The following COL5A2 variants were observed in gnomAD, a reference collection of about 807,000 sequenced individuals.
The protein encoded by COL5A2 is collagen alpha-2(V) chain.
A neutral mutation model predicts 208.2 loss-of-function variants in COL5A2; 23 were observed. That is an observed-to-expected ratio of 0.11 (90% confidence interval 0.08 to 0.16). The LOEUF (loss-of-function observed/expected upper bound fraction) is 0.16. Among genes scored for constraint, COL5A2 ranks in the 10% least tolerant of loss-of-function variants. COL5A2 has a pLI of 1.00. For missense variants in COL5A2, 1,590 were observed against 1,956.4 expected, an observed-to-expected ratio of 0.81 and a Z score of 3.53; for synonymous variants, 625 against 628.5, an observed-to-expected ratio of 0.99 and a Z score of 0.08.
intron 1 of COL5A2, among the ~76,000 whole-genome samples, chr2:189,223,282 A>C (rs1689370416): frequency 6.6e-6 from 1 of 152,154 alleles, no homozygotes; most frequent in South Asian, 2.1e-4. Flanking sequence ...TATAAGAGTT[A>C]ATGCAACAAA....
chr2:189,177,278 T>A (rs1376443560), intron 1 of COL5A2, among the ~76,000 whole-genome samples: 1 of 152,188 alleles, frequency 6.6e-6, no homozygotes, highest in African/African-American at 2.4e-5. Flanking sequence ...ATTTAAAGCA[T>A]CGATCTAAGC....
chr2:189,276,903 T>C, the COL5A2 span, among the ~76,000 whole-genome samples: 5 of 152,084 alleles, frequency 3.3e-5, no homozygotes, highest in Non-Finnish European at 5.9e-5. Flanking sequence ...AAAAATAAGA[T>C]CTTAATTTAT....
chr2:189,284,994 G>C, the COL5A2 span, among the ~76,000 whole-genome samples: 1 of 150,806 alleles, frequency 6.6e-6, no homozygotes. Context: ...TTTATTTTAT[G>C]AATTCCCTTC....
intron 1 of COL5A2, among the ~76,000 whole-genome samples, chr2:189,132,072 C>G (rs1371943996): frequency 6.6e-6 from 1 of 152,136 alleles, no homozygotes; most frequent in East Asian, 1.9e-4. Flanking sequence ...ATTAAAATGT[C>G]TGTTCTTTGA....
the COL5A2 span, among the ~76,000 whole-genome samples, chr2:189,379,057 C>A: frequency 6.6e-6 from 1 of 152,030 alleles, no homozygotes; most frequent in African/African-American, 2.4e-5. Flanking sequence ...GTTCTAAATT[C>A]TATGTGAGCT....
the COL5A2 span, among the ~76,000 whole-genome samples, chr2:189,424,630 A>G: frequency 6.6e-6 from 1 of 152,180 alleles, no homozygotes; most frequent in Non-Finnish European, 1.5e-5. Flanking sequence ...AAAGAAATCT[A>G]CACTGAAAAT....
At chr2:189,143,862 T>A (rs534360314) in intron 1 of COL5A2, among the ~76,000 whole-genome samples, 1 of 152,006 alleles carries the variant, frequency 6.6e-6, no homozygotes, top group Non-Finnish European at 1.5e-5. Context: ...TATAATAACA[T>A]AAAAAAATCC....
chr2:189,319,340 C>A, the COL5A2 span, among the ~76,000 whole-genome samples: 1 of 152,226 alleles, frequency 6.6e-6, no homozygotes, highest in Non-Finnish European at 1.5e-5. Context: ...ATGCAGCGCA[C>A]CAAGCGTGAG....
At chr2:189,165,101 G>A (rs899284623) in intron 1 of COL5A2, among the ~76,000 whole-genome samples, 2 of 152,040 alleles carry the variant, frequency 1.3e-5, no homozygotes, top group Non-Finnish European at 2.9e-5. Flanking sequence ...TCTACCAAAG[G>A]CAAATGTGCA....
intron 1 of COL5A2, among the ~76,000 whole-genome samples, chr2:189,186,726 A>G (rs1688858127): frequency 6.6e-6 from 1 of 152,176 alleles, no homozygotes; most frequent in South Asian, 2.1e-4. Flanking sequence ...TGGGAGACTC[A>G]CTCAAAATGT....
the COL5A2 span, among the ~76,000 whole-genome samples, chr2:189,330,702 T>A: frequency 6.6e-6 from 1 of 152,270 alleles, no homozygotes; most frequent in Middle Eastern, 3.4e-3. Flanking sequence ...GATCTTGCCC[T>A]CAAAAACATG....
intron 8 of COL5A2, among the ~76,000 whole-genome samples, chr2:189,087,546 C>T (rs1239179962): frequency 1.3e-5 from 2 of 151,770 alleles, no homozygotes; most frequent in Admixed American, 1.3e-4. Context: ...TCACTGCAAG[C>T]TCCACCTCCC....
At chr2:189,035,263 G>A in intron 52 of COL5A2, 108 bp from the exon 53 acceptor site, 1 of 1,399,306 alleles carries the variant, frequency 7.1e-7, no homozygotes, top group South Asian at 1.2e-5. Context: ...CAATTTTGAA[G>A]AGTATTACTT....
At chr2:189,109,918 G>C (rs924779618) in intron 2 of COL5A2, among the ~76,000 whole-genome samples, 1 of 152,062 alleles carries the variant, frequency 6.6e-6, no homozygotes, top group African/African-American at 2.4e-5. Context: ...AAATAACTTG[G>C]AGGCACTCAT....
chr2:189,354,979 A>T, the COL5A2 span, among the ~76,000 whole-genome samples: 1 of 152,028 alleles, frequency 6.6e-6, no homozygotes, highest in Admixed American at 6.6e-5. Flanking sequence ...GGTACGTTGT[A>T]TCTTTGTTCT....
At chr2:189,305,311 T>C in the COL5A2 span, among the ~76,000 whole-genome samples, 1 of 152,204 alleles carries the variant, frequency 6.6e-6, no homozygotes, top group East Asian at 1.9e-4. Context: ...CTCCAAAATT[T>C]ATGTTGAAAC....
chr2:189,102,612 T>G (rs966797742), intron 3 of COL5A2, among the ~76,000 whole-genome samples: 4 of 152,128 alleles, frequency 2.6e-5, no homozygotes, highest in Admixed American at 2.0e-4. Flanking sequence ...TACTTATCAT[T>G]TAATACCATG....
upstream of COL5A2, among the ~76,000 whole-genome samples, chr2:189,180,943 T>C (rs544642493): frequency 3.0e-4 from 45 of 152,320 alleles, no homozygotes; most frequent in South Asian, 7.0e-3. Context: ...CAATTGTTTA[T>C]AATTATTGGG....
At position 189,179,620 on chromosome 2, in the gene COL5A2, A is replaced by T; in HGVS notation, c.-16T>A. The stretch of plus-strand genomic sequence containing the variant: ...TTGCCATCATGTCTAAATATTAGAC[A>T]TGTGGGTTCTCCTGAGAGTGAAAAG... On this transcript the variant is annotated 5_prime_UTR_variant, in exon 1 of 54. An upstream start codon of the reference 5' UTR is lost. Transcript: ENST00000374866. The T allele has an allele frequency of 1.9e-6, 3 of 1,594,326 alleles. No individual in the cohort carries two copies. Among genetic ancestry groups the T allele is most frequent in the Non-Finnish European group, 2.6e-6 (3 of 1,167,614 alleles).
Sources: allele counts gnomAD v4.1 joint callset (sites outside exome capture counted in the v4.1 genomes callset), GRCh38; gene constraint gnomAD v4.1.1; transcripts MANE v1.5; gene names NCBI Gene and HGNC (gene_info 2026-07-23, HGNC 2026-07-21).